The following MCC variants were observed in gnomAD, a reference collection of about 807,000 sequenced individuals.
MCC encodes the protein colorectal mutant cancer protein.
MCC carries 90 observed loss-of-function variants against 116.2 expected under a neutral mutation model. The ratio of observed to expected loss-of-function variants is 0.77; its 90% CI spans 0.65 to 0.92. MCC has a LOEUF of 0.92. Among genes scored for constraint, MCC ranks in the 40% least tolerant of loss-of-function variants. The pLI, the probability that MCC is intolerant of heterozygous loss-of-function variation, is 0.00. For synonymous variants in MCC, 578 were observed against 510.5 expected, an observed-to-expected ratio of 1.13 and a Z score of -1.78; for missense variants, 1,516 against 1,312.2, an observed-to-expected ratio of 1.16 and a Z score of -2.40.
intron 3 of MCC, among the ~76,000 whole-genome samples, chr5:113,286,151 G>T (rs1317307056): frequency 6.6e-6 from 1 of 152,182 alleles, no homozygotes; most frequent in African/African-American, 2.4e-5. Flanking sequence ...AGGCCAACTT[G>T]TAAGTATTCT....
rs116684837 is a variant in MCC at position 113,212,365 on chromosome 5, C to T, written c.628-60943G>A. 7.7e-3 allele frequency among the ~76,000 whole-genome samples: 1,167 copies of T among 152,168 alleles called. 19 individuals carry two copies. Among genetic ancestry groups the T allele is most frequent in the African/African-American group, 0.026 (1,089 of 41,498 alleles). On this transcript the variant is annotated intron_variant, in intron 3 of 18. Transcript: ENST00000408903. ...ATGGGCATTTGTTGCTGACAGCCAC[C>T]GCCAGACAAAGCTCCATGACCTGGC...
At chr5:113,033,386 TC>T (rs1751097951) in intron 17 of MCC, among the ~76,000 whole-genome samples, 1 of 152,228 alleles carries the variant, frequency 6.6e-6, no homozygotes, top group Non-Finnish European at 1.5e-5. Flanking sequence ...GCTCACTTTA[TC>T]AAGTCTACAG....
chr5:113,134,094 T>C (rs1355826516), intron 5 of MCC, among the ~76,000 whole-genome samples: 1 of 152,260 alleles, frequency 6.6e-6, no homozygotes, highest in Non-Finnish European at 1.5e-5. Flanking sequence ...ATCCCATTTG[T>C]ATAGTTTTGC....
intron 17 of MCC, among the ~76,000 whole-genome samples, chr5:113,040,223 A>T (rs1332459913): frequency 6.6e-6 from 1 of 151,902 alleles, no homozygotes; most frequent in Non-Finnish European, 1.5e-5. Flanking sequence ...AACAGAAGAA[A>T]GTTAGGAGAA....
intron 13 of MCC, among the ~76,000 whole-genome samples, chr5:113,065,178 G>A (rs1753511739): frequency 6.6e-6 from 1 of 152,166 alleles, no homozygotes; most frequent in South Asian, 2.1e-4. Flanking sequence ...AATGAACTCT[G>A]ATGTAAACTA....
At chr5:113,085,763 C>G (rs916745722) in intron 8 of MCC, among the ~76,000 whole-genome samples, 1 of 152,156 alleles carries the variant, frequency 6.6e-6, no homozygotes, top group Non-Finnish European at 1.5e-5. Context: ...GCAACCATGG[C>G]TCACTGCAGC....
chr5:113,081,790 T>C (rs1355298051), intron 11 of MCC, among the ~76,000 whole-genome samples: 2 of 152,100 alleles, frequency 1.3e-5, no homozygotes, highest in Admixed American at 6.6e-5. Context: ...CAATTTACCT[T>C]AGTTCTCAAG....
intron 14 of MCC, among the ~76,000 whole-genome samples, chr5:113,055,753 C>G (rs1254507765): frequency 6.6e-6 from 1 of 152,210 alleles, no homozygotes; most frequent in Non-Finnish European, 1.5e-5. Context: ...GCTTGGTCAA[C>G]CACCAGATTA....
At chr5:113,377,856 A>C (rs1769023147) in intron 2 of MCC, among the ~76,000 whole-genome samples, 2 of 152,172 alleles carry the variant, frequency 1.3e-5, no homozygotes, top group South Asian at 4.1e-4. Flanking sequence ...TATTGGAATA[A>C]ATTAAATTGT....
chr5:113,204,844 A>C (rs1190880946), intron 3 of MCC, among the ~76,000 whole-genome samples: 1 of 152,236 alleles, frequency 6.6e-6, no homozygotes, highest in Admixed American at 6.5e-5. Flanking sequence ...AAAACTAAAC[A>C]ATCAGTTTTG....
intron 1 of MCC, among the ~76,000 whole-genome samples, chr5:113,391,568 A>T (rs944659672): frequency 6.6e-6 from 1 of 152,102 alleles, no homozygotes; most frequent in African/African-American, 2.4e-5. Context: ...AAATTGAAAA[A>T]ATTAGCCAGG....
chr5:113,070,277 C>T (rs1012721400), intron 12 of MCC, among the ~76,000 whole-genome samples: 1 of 152,072 alleles, frequency 6.6e-6, no homozygotes, highest in African/African-American at 2.4e-5. Flanking sequence ...GAGGCCTTGG[C>T]AAATACACTT....
In MCC at chr5:113,332,234, G is replaced by T. The variant is rs1034634389; in HGVS notation, c.627+8285C>A. 3.3e-5 allele frequency among the ~76,000 whole-genome samples: 5 copies of T among 150,002 alleles called. No individual in the cohort carries two copies. The East Asian group carries it at 9.6e-4, about 29-fold the overall frequency. On this transcript the variant is annotated intron_variant, in intron 3 of 18. Transcript: ENST00000408903. The stretch of plus-strand genomic sequence containing the variant: ...CTTGCTATGTTGCCCAGGCTAGGGT[G>T]CAGGCATGATCATAGCGCACTGCAG...
chr5:113,103,874 T>C (rs1475662986), intron 7 of MCC, among the ~76,000 whole-genome samples: 3 of 152,178 alleles, frequency 2.0e-5, no homozygotes, highest in African/African-American at 7.2e-5. Flanking sequence ...AACTTACAGC[T>C]TACGAGTGGC....
chr5:113,369,093 A>T (rs927678025), intron 2 of MCC, among the ~76,000 whole-genome samples: 3 of 152,126 alleles, frequency 2.0e-5, no homozygotes, highest in Admixed American at 1.3e-4. Flanking sequence ...TCAGCTATCC[A>T]GAAACTCTCT....
At chr5:113,213,460 A>G (rs2150324781) in intron 3 of MCC, among the ~76,000 whole-genome samples, 1 of 152,316 alleles carries the variant, frequency 6.6e-6, no homozygotes, top group African/African-American at 2.4e-5. Flanking sequence ...GTAAAGGCTC[A>G]TAACCACCAT....
chr5:113,366,329 T>C (rs1768686787), intron 2 of MCC, among the ~76,000 whole-genome samples: 1 of 152,144 alleles, frequency 6.6e-6, no homozygotes, highest in Non-Finnish European at 1.5e-5. Context: ...GTAGGTTTTT[T>C]TTTATGTTAA....
At chr5:113,050,458 G>A (rs528238535) in intron 15 of MCC, among the ~76,000 whole-genome samples, 3 of 152,150 alleles carry the variant, frequency 2.0e-5, no homozygotes, top group Non-Finnish European at 2.9e-5. Flanking sequence ...GTTGGACTAG[G>A]GGGTAGATGT....
chr5:113,151,764 A>C (rs562422899), intron 3 of MCC, among the ~76,000 whole-genome samples: 15 of 152,334 alleles, frequency 9.8e-5, no homozygotes, highest in Non-Finnish European at 1.8e-4. Flanking sequence ...GCCTGATTCT[A>C]ATCATGAGAG....
Sources: allele counts gnomAD v4.1 joint callset (sites outside exome capture counted in the v4.1 genomes callset), GRCh38; gene constraint gnomAD v4.1.1; transcripts MANE v1.5; gene names NCBI Gene and HGNC (gene_info 2026-07-23, HGNC 2026-07-21).